Variants in THEMIS observed in about 807,000 individuals in gnomAD.
THEMIS encodes thymocyte selection associated, also known as protein THEMIS.
Under a neutral mutation model 52.6 loss-of-function variants are expected in THEMIS, and 37 were observed. The ratio of observed to expected loss-of-function variants is 0.70; its 90% CI spans 0.54 to 0.93. THEMIS has a LOEUF of 0.93. Ranked by LOEUF, THEMIS falls within the 40% of genes least tolerant of loss-of-function variation. The pLI is 0.00. For synonymous variants in THEMIS, 292 were observed against 272.7 expected (o/e 1.07, Z -0.70); for missense variants, 808 against 763.1 (o/e 1.06, Z -0.69).
chr6:127,869,537 A>G (rs996927045), intron 1 of THEMIS, among the ~76,000 whole-genome samples: 7 of 152,312 alleles, frequency 4.6e-5, no homozygotes, highest in East Asian at 3.9e-4. Context: ...TCGTAAATCA[A>G]ACTACTAAGT....
rs756415026 is a variant in THEMIS at position 127,813,174 on chromosome 6, GTAA to G, written c.1464_1466del (p.Tyr489del). ...GGTTGGCAAAGTCACTTATGAGTAG[GTAA>G]GAGTCTGTAATGTCCTCCTCCAACT... On this transcript the variant is annotated inframe_deletion, in exon 4 of 6. Transcript: ENST00000368248. 2.0e-5 allele frequency: 32 copies of G among 1,613,964 alleles called. No homozygotes were observed. The highest frequency in any genetic ancestry group is 2.6e-5 in the Non-Finnish European group (31 of 1,180,028).
intron 3 of THEMIS, among the ~76,000 whole-genome samples, chr6:127,825,901 G>A (rs12525945): frequency 0.12 from 18,665 of 152,054 alleles, 1,524 homozygotes; most frequent in East Asian, 0.36. Context: ...GGTCGTCATC[G>A]CAGAAAAACA....
chr6:127,730,317 AGAAAAAAAG>A (rs1279147496), intron 4 of THEMIS, among the ~76,000 whole-genome samples: 2 of 136,836 alleles, frequency 1.5e-5, no homozygotes, highest in African/African-American at 6.5e-5. Context: ...AAAAGAAAAG[AGAAAAAAAG>A]AAAAGAAAAG....
intron 3 of THEMIS, among the ~76,000 whole-genome samples, chr6:127,817,919 T>C (rs1375598374): frequency 2.6e-5 from 4 of 152,144 alleles, no homozygotes; most frequent in Admixed American, 2.0e-4. Context: ...CAAATTTCCT[T>C]GTGCTTCTGG....
Position 127,838,773 on chromosome 6 carries a change from G to A in THEMIS, c.251-8839C>T, listed in dbSNP as rs190117354. Among the ~76,000 whole-genome samples, 25 of 152,158 alleles carry A rather than the reference G, an allele frequency of 1.6e-4. No homozygotes were observed. In the East Asian group the frequency reaches 4.4e-3, roughly 27 times the overall value. On this transcript the variant is annotated intron_variant, in intron 2 of 5. Coordinates refer to ENST00000368248, the MANE Select transcript of THEMIS (RefSeq NM_001010923.3). ...TAATTCTTCCTTTAAACCCAGATGT[G>A]CAGTAAAAACTTTATCAAACAGCAA...
Position 127,739,887 on chromosome 6 carries a change from T to G in THEMIS, c.1759-20064A>C, listed in dbSNP as rs550155846. On this transcript the variant is annotated intron_variant, in intron 4 of 5. Transcript: ENST00000368248. ...ACTATGAATAGTCAAAAATACAGAGTGGTTCTTAATACCATTAACTGCAGG... is the reference window on the plus strand; with the variant it reads ...ACTATGAATAGTCAAAAATACAGAGGGGTTCTTAATACCATTAACTGCAGG... 1.1e-4 allele frequency among the ~76,000 whole-genome samples: 16 copies of G among 152,246 alleles called. No individual in the cohort carries two copies. The South Asian group carries it at 3.3e-3, about 32-fold the overall frequency.
intron 2 of THEMIS, among the ~76,000 whole-genome samples, chr6:127,847,780 A>G (rs1779268910): frequency 6.6e-6 from 1 of 151,826 alleles, no homozygotes; most frequent in African/African-American, 2.4e-5. Context: ...TCTTTACAGA[A>G]TTAGAAAAAG....
At chr6:127,808,158 T>C (rs1463700994) in intron 4 of THEMIS, among the ~76,000 whole-genome samples, 1 of 152,224 alleles carries the variant, frequency 6.6e-6, no homozygotes, top group Non-Finnish European at 1.5e-5. Flanking sequence ...ATACAAGATT[T>C]CTGGTCCCAG....
chr6:127,812,956 G>C lies in THEMIS; in HGVS notation c.1685C>G (p.Ser562Ter). 6.2e-7 allele frequency: 1 copy of C among 1,614,078 alleles called. No homozygotes were observed. Among genetic ancestry groups the C allele is most frequent in the Non-Finnish European group, 8.5e-7 (1 of 1,179,988 alleles). ...HPPPRPPKHPSVEETKLTLLT... is the reference protein window; with the variant it reads ...HPPPRPPKHP ...CAGGGTTAACTTTGTTTCCTCTACT[G>C]AGGGGTGTTTCGGAGGGCGAGGTGG... Residue 562 changes from serine to a stop codon, truncating the protein, a stop_gained, in exon 4 of 6, where the codon TCA (serine) becomes TGA (stop). Coordinates refer to ENST00000368248, the MANE Select transcript of THEMIS (RefSeq NM_001010923.3). LOFTEE classifies it high-confidence loss of function.
At chr6:127,897,821 A>G (rs536799205) in intron 1 of THEMIS, among the ~76,000 whole-genome samples, 1 of 151,826 alleles carries the variant, frequency 6.6e-6, no homozygotes, top group South Asian at 2.1e-4. Context: ...GTAGGCACAC[A>G]TGTACAAGAA....
intron 4 of THEMIS, among the ~76,000 whole-genome samples, chr6:127,758,647 T>C (rs925607550): frequency 2.6e-5 from 4 of 151,786 alleles, no homozygotes; most frequent in Non-Finnish European, 5.9e-5. Flanking sequence ...AAAAGATCTT[T>C]CACAAGAAGG....
chr6:127,887,964 G>A (rs1341224471), intron 1 of THEMIS, among the ~76,000 whole-genome samples: 4 of 152,006 alleles, frequency 2.6e-5, no homozygotes, highest in African/African-American at 7.2e-5. Context: ...AATGAAGACC[G>A]GAATATGGAA....
intron 1 of THEMIS, among the ~76,000 whole-genome samples, chr6:127,907,085 G>GA (rs1391355495): frequency 2.6e-5 from 4 of 151,776 alleles, no homozygotes; most frequent in Non-Finnish European, 4.4e-5. Flanking sequence ...GATAGTATCG[G>GA]AAAAAAACAA....
downstream of THEMIS, among the ~76,000 whole-genome samples, chr6:127,703,108 C>T (rs1402572685): frequency 3.5e-5 from 4 of 114,364 alleles, no homozygotes; most frequent in East Asian, 2.9e-4. Flanking sequence ...AGTGCAGTGG[C>T]GGGATCTCGG....
rs1421064545 is a variant in THEMIS, at chr6:127,709,052, G to C, written c.*933C>G. 1.3e-5 allele frequency: 2 copies of C among 151,872 alleles called. No homozygotes were observed. The highest frequency in any genetic ancestry group is 2.9e-5 in the Non-Finnish European group (2 of 67,924). The allele number at this position is 151,872 out of a possible 1,614,324, so 9.4% of individuals were successfully genotyped here. A position where few individuals can be genotyped will look rare whatever the true frequency, so the allele number is the denominator to read the frequency against. ...TTCCTGTATACTTAATACATAATAA[G>C]ATAAATTATTAAAATGTGAGAGCCC... On this transcript the variant is annotated 3_prime_UTR_variant, in exon 6 of 6. Coordinates refer to ENST00000368248, the MANE Select transcript of THEMIS (RefSeq NM_001010923.3).
At chr6:127,762,071 T>G (rs889051090) in intron 4 of THEMIS, among the ~76,000 whole-genome samples, 1 of 152,120 alleles carries the variant, frequency 6.6e-6, no homozygotes, top group African/African-American at 2.4e-5. Context: ...ACTATTCAGA[T>G]TTTTTAAAAA....
At chr6:127,804,070 T>A (rs569568125) in intron 4 of THEMIS, among the ~76,000 whole-genome samples, 1 of 152,030 alleles carries the variant, frequency 6.6e-6, no homozygotes, top group East Asian at 1.9e-4. Context: ...AATAAGAAAT[T>A]TGTGTGTGTG....
intron 4 of THEMIS, among the ~76,000 whole-genome samples, chr6:127,755,862 A>C (rs1044542037): frequency 6.6e-6 from 1 of 152,048 alleles, no homozygotes; most frequent in Non-Finnish European, 1.5e-5. Flanking sequence ...CCCTGTCTCT[A>C]CTAAAAATAC....
In THEMIS at chr6:127,709,893, T is replaced by G; in HGVS notation, c.*92A>C. 1 of 1,119,864 alleles carries G rather than the reference T, an allele frequency of 8.9e-7. No individual in the cohort carries two copies. The highest frequency in any genetic ancestry group is 1.3e-6 in the Non-Finnish European group (1 of 770,404). The allele number at this position is 1,119,864 out of a possible 1,614,324, so 69.4% of individuals were successfully genotyped here. The stretch of plus-strand genomic sequence containing the variant: ...TGAATCAAGTTTCTTCTGGAGTCCA[T>G]TGGGGAATACTCGTTTTTCAGCTAG... On this transcript the variant is annotated 3_prime_UTR_variant, in exon 6 of 6. Transcript: ENST00000368248.
Sources: gnomAD v4.1 joint callset for allele counts (sites outside exome capture counted in the v4.1 genomes callset) on GRCh38, gnomAD v4.1.1 for gene constraint, MANE v1.5 for transcripts, NCBI Gene and HGNC (gene_info 2026-07-23, HGNC 2026-07-21) for gene names.